Variants in DLG2 observed in about 807,000 individuals in gnomAD.
The protein encoded by DLG2 is disks large homolog 2.
A neutral mutation model predicts 132.5 loss-of-function variants in DLG2; 45 were observed. The observed-to-expected ratio is 0.34, with a 90% confidence interval of 0.27 to 0.44. The LOEUF (loss-of-function observed/expected upper bound fraction) is 0.44. Ranked by LOEUF, DLG2 falls within the 20% of genes least tolerant of loss-of-function variation. The probability of loss-of-function intolerance (pLI) is 1.00; values close to 1 mark genes in which losing one functional copy is unlikely to be tolerated. For synonymous variants in DLG2, 424 were observed against 419.6 expected (o/e 1.01, Z -0.13); for missense variants, 1,045 against 1,196.9 (o/e 0.87, Z 1.87).
chr11:84,463,861 G>A (rs766925359), intron 7 of DLG2, among the ~76,000 whole-genome samples: 1 of 151,010 alleles, frequency 6.6e-6, no homozygotes, highest in Non-Finnish European at 1.5e-5. Flanking sequence ...AGACTTGATC[G>A]ACCTATTATA....
chr11:84,017,891 G>A (rs1328304192), intron 11 of DLG2, among the ~76,000 whole-genome samples: 1 of 151,902 alleles, frequency 6.6e-6, no homozygotes, highest in African/African-American at 2.4e-5. Context: ...TTGGCTTCTA[G>A]GCTCTGTTGT....
chr11:85,391,642 C>A (rs2086806867), intron 3 of DLG2, among the ~76,000 whole-genome samples: 1 of 151,878 alleles, frequency 6.6e-6, no homozygotes, highest in Admixed American at 6.6e-5. Context: ...CATCCACAAG[C>A]CAATAAATGT....
At chr11:83,666,808 G>A (rs1473687406) in intron 18 of DLG2, among the ~76,000 whole-genome samples, 4 of 152,224 alleles carry the variant, frequency 2.6e-5, no homozygotes, top group Admixed American at 6.5e-5. Context: ...ATGCTGGTAA[G>A]TGAAGGGGGC....
intron 9 of DLG2, among the ~76,000 whole-genome samples, chr11:84,103,217 T>G (rs1399460263): frequency 6.6e-6 from 1 of 152,138 alleles, no homozygotes; most frequent in Non-Finnish European, 1.5e-5. Flanking sequence ...AAGTCTTTGC[T>G]ACCAGCCAGC....
At chr11:85,289,254 A>C (rs983763345) in intron 3 of DLG2, among the ~76,000 whole-genome samples, 1 of 151,976 alleles carries the variant, frequency 6.6e-6, no homozygotes, top group East Asian at 1.9e-4. Flanking sequence ...TCACTTTCCA[A>C]GCATCTCTCT....
intron 4 of DLG2, among the ~76,000 whole-genome samples, chr11:85,225,105 T>C (rs2074896240): frequency 6.6e-6 from 1 of 152,260 alleles, no homozygotes; most frequent in Non-Finnish European, 1.5e-5. Context: ...TGGAAAATTA[T>C]TTCCTGATCA....
chr11:85,267,638 A>G (rs1348494275), intron 4 of DLG2, among the ~76,000 whole-genome samples: 3 of 152,296 alleles, frequency 2.0e-5, no homozygotes, highest in Admixed American at 6.5e-5. Context: ...ATGTGGAATC[A>G]GTTATTTAAA....
At chr11:85,290,850 C>T (rs1306495174) in intron 3 of DLG2, among the ~76,000 whole-genome samples, 1 of 152,036 alleles carries the variant, frequency 6.6e-6, no homozygotes, top group Non-Finnish European at 1.5e-5. Flanking sequence ...GATTCTGACA[C>T]AGTTAGGTCT....
chr11:84,982,419 G>A (rs1428899247), intron 6 of DLG2, among the ~76,000 whole-genome samples: 2 of 152,074 alleles, frequency 1.3e-5, no homozygotes, highest in East Asian at 3.9e-4. Flanking sequence ...AAAAACCTAT[G>A]AGTCATTTTT....
intron 7 of DLG2, among the ~76,000 whole-genome samples, chr11:84,444,908 T>C (rs1385653383): frequency 1.3e-5 from 2 of 152,048 alleles, no homozygotes; most frequent in African/African-American, 4.8e-5. Flanking sequence ...GTTGAAGCGA[T>C]TCTCCTGCCT....
chr11:83,665,744 G>A (rs1251415003), intron 18 of DLG2, among the ~76,000 whole-genome samples: 2 of 152,042 alleles, frequency 1.3e-5, no homozygotes, highest in African/African-American at 2.4e-5. Flanking sequence ...TAGGCAACTC[G>A]TCTAAGGAAA....
chr11:83,705,536 C>A (rs569939971), intron 18 of DLG2, among the ~76,000 whole-genome samples: 1 of 151,964 alleles, frequency 6.6e-6, no homozygotes, highest in Non-Finnish European at 1.5e-5. Context: ...TTATGAAGAT[C>A]TGTTATTGTG....
intron 3 of DLG2, among the ~76,000 whole-genome samples, chr11:85,586,064 G>C (rs2078949306): frequency 6.6e-6 from 1 of 152,082 alleles, no homozygotes; most frequent in East Asian, 1.9e-4. Context: ...CCTGCATCCT[G>C]GTATGAAAAC....
intron 6 of DLG2, among the ~76,000 whole-genome samples, chr11:85,100,883 G>T (rs1458906779): frequency 1.3e-5 from 2 of 152,158 alleles, no homozygotes; most frequent in Non-Finnish European, 2.9e-5. Flanking sequence ...GAGAATTAAG[G>T]TTATTGGAGC....
At chr11:84,427,043 AAG>A (rs2098968995) in intron 7 of DLG2, among the ~76,000 whole-genome samples, 1 of 152,142 alleles carries the variant, frequency 6.6e-6, no homozygotes, top group African/African-American at 2.4e-5. Flanking sequence ...CCTCTAGCCA[AAG>A]ACAGAGATAT....
intron 3 of DLG2, among the ~76,000 whole-genome samples, chr11:85,462,657 G>C (rs940666547): frequency 6.6e-6 from 1 of 152,046 alleles, no homozygotes; most frequent in Admixed American, 6.6e-5. Flanking sequence ...GTTGTGGGGT[G>C]GGGGGAGCGG....
At chr11:84,177,272 T>C (rs2095997259) in intron 8 of DLG2, among the ~76,000 whole-genome samples, 1 of 152,134 alleles carries the variant, frequency 6.6e-6, no homozygotes, top group Non-Finnish European at 1.5e-5. Flanking sequence ...TCTCCTTCCA[T>C]CTAATATCAT....
intron 6 of DLG2, among the ~76,000 whole-genome samples, chr11:84,579,997 G>A (rs1435041888): frequency 6.6e-6 from 1 of 152,150 alleles, no homozygotes; most frequent in Admixed American, 6.5e-5. Context: ...GAGTATAAGG[G>A]AAGGAGAGAA....
At chr11:83,529,837 T>G (rs1244273730) in intron 21 of DLG2, among the ~76,000 whole-genome samples, 1 of 152,116 alleles carries the variant, frequency 6.6e-6, no homozygotes, top group Non-Finnish European at 1.5e-5. Context: ...TTTCTTTCAA[T>G]AGCGAAGTCC....
Sources: allele counts gnomAD v4.1 joint callset (sites outside exome capture counted in the v4.1 genomes callset), GRCh38; gene constraint gnomAD v4.1.1; transcripts MANE v1.5; gene names NCBI Gene and HGNC (gene_info 2026-07-23, HGNC 2026-07-21).